PDE10A: variants seen among roughly 807,000 people sequenced by gnomAD.
The protein encoded by PDE10A is phosphodiesterase 10A.
A neutral mutation model predicts 97.7 loss-of-function variants in PDE10A; 39 were observed. The observed-to-expected ratio is 0.40, with a 90% confidence interval of 0.31 to 0.52. PDE10A has a LOEUF of 0.52. Ranked by LOEUF, PDE10A falls within the 20% of genes least tolerant of loss-of-function variation. The pLI, the probability that PDE10A is intolerant of heterozygous loss-of-function variation, is 0.56. For missense variants in PDE10A, 731 were observed against 1,047.8 expected (o/e 0.70, Z 4.17); for synonymous variants, 371 against 376.8 (o/e 0.98, Z 0.18).
chr6:165,467,044 T>C (rs1371348902), intron 3 of PDE10A, among the ~76,000 whole-genome samples: 2 of 152,198 alleles, frequency 1.3e-5, no homozygotes, highest in Non-Finnish European at 2.9e-5. Flanking sequence ...GTTGTCTGGA[T>C]AGAAGATCAA....
chr6:165,958,714 G>GA (rs1400473765), intron 1 of PDE10A, among the ~76,000 whole-genome samples: 5,674 of 54,966 alleles, frequency 0.1, 270 homozygotes, highest in Middle Eastern at 0.27. Context: ...GAAAGAAAGA[G>GA]AGAAGAAAGA....
intron 1 of PDE10A, among the ~76,000 whole-genome samples, chr6:165,613,343 TA>T (rs756844362): frequency 2.6e-5 from 4 of 152,228 alleles, no homozygotes; most frequent in Middle Eastern, 3.4e-3. Flanking sequence ...TCAGAGGTTA[TA>T]AAACACTATT....
chr6:165,632,513 G>A (rs528109253), intron 1 of PDE10A, among the ~76,000 whole-genome samples: 2 of 152,292 alleles, frequency 1.3e-5, no homozygotes, highest in East Asian at 1.9e-4. Flanking sequence ...GCACTGTTTT[G>A]AGCATGAGAT....
rs541516303 is a variant in PDE10A, at chr6:165,408,383, A to G, written c.2076+5118T>C. On this transcript the variant is annotated intron_variant, in intron 13 of 21. Transcript: ENST00000539869. ...ATACAAGGTGTTTTTCCTAATTTTC[A>G]TATGATGCTTGGGAAAAAAATGCTC... Among the ~76,000 whole-genome samples the G allele has an allele frequency of 5.3e-5, 8 of 152,296 alleles. No homozygotes were observed. In the South Asian group the frequency reaches 1.5e-3, roughly 28 times the overall value.
intron 1 of PDE10A, among the ~76,000 whole-genome samples, chr6:165,701,948 C>T (rs894399060): frequency 3.3e-5 from 5 of 152,064 alleles, no homozygotes; most frequent in East Asian, 1.9e-4. Flanking sequence ...TCCGGTGATA[C>T]GGAGGAGATG....
chr6:165,569,909 G>A (rs1784969120), intron 1 of PDE10A, among the ~76,000 whole-genome samples: 1 of 152,172 alleles, frequency 6.6e-6, no homozygotes, highest in South Asian at 2.1e-4. Flanking sequence ...AATTAAGCAG[G>A]AAAAACTTTC....
chr6:165,939,078 T>C (rs1783430017), intron 1 of PDE10A, among the ~76,000 whole-genome samples: 1 of 152,214 alleles, frequency 6.6e-6, no homozygotes, highest in African/African-American at 2.4e-5. Context: ...AATTAGAATA[T>C]ACCAGTTGAC....
chr6:165,715,589 C>T (rs1045322925), intron 1 of PDE10A, among the ~76,000 whole-genome samples: 5 of 152,132 alleles, frequency 3.3e-5, no homozygotes, highest in Non-Finnish European at 7.3e-5. Flanking sequence ...AAGGGAGACA[C>T]GCACCCATGC....
At chr6:165,724,748 A>C (rs1472918599) in intron 1 of PDE10A, among the ~76,000 whole-genome samples, 1 of 152,240 alleles carries the variant, frequency 6.6e-6, no homozygotes, top group Non-Finnish European at 1.5e-5. Flanking sequence ...AGGTAGAAGG[A>C]AATACAGCCT....
At chr6:165,460,444 CACAA>C (rs1222291181) in intron 3 of PDE10A, among the ~76,000 whole-genome samples, 1 of 152,116 alleles carries the variant, frequency 6.6e-6, no homozygotes, top group Non-Finnish European at 1.5e-5. Flanking sequence ...GATTTGGAAG[CACAA>C]ACAAACAAGG....
At chr6:165,608,095 C>T (rs7771140) in intron 1 of PDE10A, among the ~76,000 whole-genome samples, 139,833 of 147,024 alleles carry the variant, frequency 0.95, 66,487 homozygotes, top group East Asian at 1. Context: ...TATATATGTG[C>T]ATATATATAC....
At chr6:165,608,450 T>C (rs1196079152) in intron 1 of PDE10A, among the ~76,000 whole-genome samples, 1 of 152,164 alleles carries the variant, frequency 6.6e-6, no homozygotes, top group East Asian at 1.9e-4. Context: ...TCATCCTTTT[T>C]TTATGGCTGC....
intron 3 of PDE10A, among the ~76,000 whole-genome samples, chr6:165,471,600 T>G (rs907860907): frequency 2.0e-5 from 3 of 152,066 alleles, no homozygotes; most frequent in Non-Finnish European, 2.9e-5. Context: ...GGCCCTCCCA[T>G]GGAGGGCCTC....
intron 18 of PDE10A, among the ~76,000 whole-genome samples, chr6:165,369,741 C>T (rs1250774418): frequency 7.0e-6 from 1 of 142,666 alleles, no homozygotes; most frequent in African/African-American, 2.7e-5. Flanking sequence ...CACAAAGATA[C>T]TCCTCGAGAA....
At chr6:165,803,026 G>A (rs1206922739) in intron 1 of PDE10A, among the ~76,000 whole-genome samples, 5 of 152,176 alleles carry the variant, frequency 3.3e-5, no homozygotes, top group Non-Finnish European at 5.9e-5. Flanking sequence ...ATACCGTGGT[G>A]TCTGACATAA....
intron 1 of PDE10A, among the ~76,000 whole-genome samples, chr6:165,762,236 C>A (rs1431915200): frequency 6.6e-6 from 1 of 152,212 alleles, no homozygotes; most frequent in East Asian, 1.9e-4. Context: ...GCTGTGTAAA[C>A]CCGATTTTAG....
At chr6:165,860,662 C>T (rs941746169) in intron 1 of PDE10A, among the ~76,000 whole-genome samples, 6 of 152,262 alleles carry the variant, frequency 3.9e-5, no homozygotes, top group South Asian at 4.1e-4. Flanking sequence ...GTTGATTTTG[C>T]GGTTATAAAT....
At chr6:165,560,547 G>T (rs913713821) in intron 1 of PDE10A, among the ~76,000 whole-genome samples, 1 of 152,156 alleles carries the variant, frequency 6.6e-6, no homozygotes, top group Non-Finnish European at 1.5e-5. Context: ...TAAATTTGTG[G>T]TAATTTGTTA....
chr6:165,611,316 T>C (rs1039434262), intron 1 of PDE10A, among the ~76,000 whole-genome samples: 1 of 152,176 alleles, frequency 6.6e-6, no homozygotes, highest in African/African-American at 2.4e-5. Flanking sequence ...ATAAGCTGAC[T>C]TCCAACCAGG....
Sources: gnomAD v4.1 joint callset for allele counts (sites outside exome capture counted in the v4.1 genomes callset) on GRCh38, gnomAD v4.1.1 for gene constraint, MANE v1.5 for transcripts, NCBI Gene and HGNC (gene_info 2026-07-23, HGNC 2026-07-21) for gene names.